Variants in PITPNM3 observed in about 807,000 individuals in gnomAD.
PITPNM3 encodes the protein membrane-associated phosphatidylinositol transfer protein 3.
A neutral mutation model predicts 102.0 loss-of-function variants in PITPNM3; 26 were observed. The observed-to-expected ratio is 0.25, with a 90% CI of 0.19 to 0.35. PITPNM3 has a LOEUF of 0.35. Among genes scored for constraint, PITPNM3 ranks in the 10% least tolerant of loss-of-function variants. The pLI is 1.00. For synonymous variants in PITPNM3, 578 were observed against 558.6 expected, an observed-to-expected ratio of 1.03 and a Z score of -0.49; for missense variants, 1,083 against 1,346.1, an observed-to-expected ratio of 0.80 and a Z score of 3.06.
chr17:6,478,580 C>T lies in PITPNM3; in HGVS notation c.744G>A (p.Leu248=), dbSNP rs760657079. ...TGAAGCCAATCCCATCAGAGGACTT[C>T]AGGAACTCTCTGTAGACCTGGTTGG... ...ERANQVYREF[L]KSSDGIGFSG... Residue 248 remains leucine, a synonymous_variant, in exon 7 of 20, where the codon CTG becomes CTA. Coordinates refer to ENST00000262483, the MANE Select transcript of PITPNM3 (RefSeq NM_031220.4). This position sits in a 1 kb window ranked among gnomAD's most constrained non-coding sequence, Gnocchi z 4.4. 2 of 1,614,144 alleles carry T rather than the reference C, an allele frequency of 1.2e-6. No homozygotes were observed. Among genetic ancestry groups the T allele is most frequent in the South Asian group, 1.1e-5 (1 of 91,082 alleles).
intron 2 of PITPNM3, among the ~76,000 whole-genome samples, chr17:6,527,251 A>C (rs1908886317): frequency 1.3e-5 from 2 of 152,246 alleles, no homozygotes; most frequent in African/African-American, 4.8e-5. Context: ...AATTATGAAG[A>C]GGTTAAGAGC....
In PITPNM3 at chr17:6,538,056, G is replaced by A. The variant is rs28493751; in HGVS notation, c.49C>T (p.Pro17Ser). ...AGGPPPGGGA[P>S]WHLRNVLSDS... ...CTGAGGACATTTCGAAGGTGCCAGGGGGCACCGCCGCCCGGGGGAGGACCA... is the reference window on the plus strand; with the variant it reads ...CTGAGGACATTTCGAAGGTGCCAGGAGGCACCGCCGCCCGGGGGAGGACCA... The change falls in exon 2 of 20, where the codon CCC (proline) becomes TCC (serine). Residue 17 changes from proline (P) to serine (S), a missense_variant. Around this residue, in one of 5 missense-constraint regions of PITPNM3, gnomAD observed 290 missense variants for 337.8 expected, o/e 0.86. Transcript: ENST00000262483. The A allele has an allele frequency of 0.092, 148,123 of 1,612,570 alleles. 7,452 individuals carry two copies. The highest frequency in any genetic ancestry group is 0.13 in the Middle Eastern group (776 of 6,060).
intron 4 of PITPNM3, among the ~76,000 whole-genome samples, chr17:6,495,795 CA>C (rs35162845): frequency 0.32 from 48,442 of 152,068 alleles, 8,883 homozygotes; most frequent in Middle Eastern, 0.57. Flanking sequence ...AGCACAGCTG[CA>C]AGGGAATGTA....
chr17:6,481,843 A>G (rs1905702888), intron 6 of PITPNM3: 1 of 139,216 alleles, frequency 7.2e-6, no homozygotes, highest in African/African-American at 2.8e-5. Flanking sequence ...AGATAAACAG[A>G]ATAGAATGAT....
At chr17:6,487,426 G>A (rs979156472) in intron 4 of PITPNM3, among the ~76,000 whole-genome samples, 5 of 152,114 alleles carry the variant, frequency 3.3e-5, no homozygotes, top group African/African-American at 1.2e-4. Flanking sequence ...AGGGCACAGA[G>A]CCAGGACCAC....
rs927872972 is a variant in PITPNM3 at position 6,517,906 on chromosome 17, A to C, written c.226+7450T>G. On this transcript the variant is annotated intron_variant, in intron 3 of 19. Transcript: ENST00000262483. The surrounding 1 kb of genome is among the most constrained non-coding windows in gnomAD (Gnocchi z 4.1). ...TATGTTAAAACTGTACGTTTCTAGA[A>C]CTACAAAAAAAGGAGGTATATAAGA... Among the ~76,000 whole-genome samples the C allele has an allele frequency of 8.5e-5, 13 of 152,220 alleles. No individual in the cohort carries two copies. Among genetic ancestry groups the C allele is most frequent in the Admixed American group, 7.8e-4 (12 of 15,288 alleles).
rs1327341721 is a variant in PITPNM3 at position 6,472,509 on chromosome 17, ACT to A, written c.1429+146_1429+147del. On this transcript the variant is annotated intron_variant, in intron 11 of 19. Coordinates refer to ENST00000262483, the MANE Select transcript of PITPNM3 (RefSeq NM_031220.4). The surrounding 1 kb of genome is among the most constrained non-coding windows in gnomAD (Gnocchi z 4.1). ...AGCAGGTGCTTAGCACAGGTGGGCGACTCTGAAGACAGAGGAGTCGGCTAACC... is the reference window on the plus strand; with the variant it reads ...AGCAGGTGCTTAGCACAGGTGGGCGACTGAAGACAGAGGAGTCGGCTAACC... 8.7e-7 allele frequency: 1 copy of A among 1,143,922 alleles called. No individual in the cohort carries two copies. The highest frequency in any genetic ancestry group is 1.2e-6 in the Non-Finnish European group (1 of 801,846). The allele number at this position is 1,143,922 out of a possible 1,614,324, so 70.9% of individuals were successfully genotyped here.
chr17:6,530,021 C>T (rs761394165), intron 2 of PITPNM3, among the ~76,000 whole-genome samples: 14 of 152,210 alleles, frequency 9.2e-5, no homozygotes, highest in Non-Finnish European at 1.5e-4. Flanking sequence ...AATAATCACG[C>T]AGCTTCCCAC....
rs1428471647 is a variant in PITPNM3 at position 6,457,852 on chromosome 17, G to A, written c.2491-130C>T. 3 of 1,325,286 alleles carry A rather than the reference G, an allele frequency of 2.3e-6. No homozygotes were observed. The highest frequency in any genetic ancestry group is 3.1e-6 in the Non-Finnish European group (3 of 959,040). 82.1% of individuals were successfully genotyped at this position (1,325,286 alleles called of 1,614,324 possible). On this transcript the variant is annotated intron_variant, in intron 18 of 19. Coordinates refer to ENST00000262483, the MANE Select transcript of PITPNM3 (RefSeq NM_031220.4). The surrounding 1 kb of genome is among the most constrained non-coding windows in gnomAD (Gnocchi z 4.7). ...CACTCTGGTAGACTCCAAGCCATGG[G>A]GCCACCCTGTGTCAGGAATGAACCC...
Position 6,454,166 on chromosome 17 carries a change from G to T in PITPNM3, c.*1172C>A, listed in dbSNP as rs992651234. 6.6e-6 allele frequency: 1 copy of T among 152,256 alleles called. No homozygotes were observed. Among genetic ancestry groups the T allele is most frequent in the Middle Eastern group, 3.1e-3 (1 of 318 alleles). 9.4% of individuals were successfully genotyped at this position (152,256 alleles called of 1,614,324 possible). On this transcript the variant is annotated 3_prime_UTR_variant, in exon 20 of 20. Transcript: ENST00000262483. Reference sequence around the variant, plus strand: ...TCTGGGAGCCAAAAAGGATAAAAGGGTCCTGGCAGAGCTGGGGTTATGGGG... The same window carrying T: ...TCTGGGAGCCAAAAAGGATAAAAGGTTCCTGGCAGAGCTGGGGTTATGGGG...
chr17:6,492,416 C>A (rs75215492), intron 4 of PITPNM3, among the ~76,000 whole-genome samples: 1 of 152,214 alleles, frequency 6.6e-6, no homozygotes, highest in East Asian at 1.9e-4. Flanking sequence ...TCAATACAAA[C>A]ACTACAAAGA....
At chr17:6,507,582 TAA>T (rs71381399) in intron 3 of PITPNM3, among the ~76,000 whole-genome samples, 1 of 148,108 alleles carries the variant, frequency 6.8e-6, no homozygotes, top group African/African-American at 2.5e-5. Flanking sequence ...AGACTCCATT[TAA>T]AAAAAAAAAC....
intron 10 of PITPNM3, among the ~76,000 whole-genome samples, chr17:6,473,748 G>A (rs781645610): frequency 4.1e-4 from 63 of 152,240 alleles, no homozygotes; most frequent in Non-Finnish European, 7.2e-4. Context: ...AGGCCAAGGC[G>A]GGTGGATCAC....
intron 4 of PITPNM3, among the ~76,000 whole-genome samples, chr17:6,495,601 C>G (rs1906757059): frequency 6.6e-6 from 1 of 152,170 alleles, no homozygotes; most frequent in South Asian, 2.1e-4. Context: ...AAGGGACCAC[C>G]AGGCTGGGTT....
intron 10 of PITPNM3, among the ~76,000 whole-genome samples, chr17:6,474,044 A>C (rs1905184101): frequency 6.7e-6 from 1 of 149,286 alleles, no homozygotes; most frequent in African/African-American, 2.5e-5. Flanking sequence ...GGGCTTGGGG[A>C]TATGCGGGGG....
At chr17:6,555,349 G>GACAC (rs1910545794) in intron 1 of PITPNM3, among the ~76,000 whole-genome samples, 2 of 152,186 alleles carry the variant, frequency 1.3e-5, no homozygotes, top group South Asian at 4.1e-4. Flanking sequence ...GGGGTGGATT[G>GACAC]ACACACAGCC....
At chr17:6,531,759 C>G (rs1011267699) in intron 2 of PITPNM3, among the ~76,000 whole-genome samples, 1 of 152,178 alleles carries the variant, frequency 6.6e-6, no homozygotes. Flanking sequence ...CAGCACTGAG[C>G]CAGTGCCTCC....
At chr17:6,526,587 T>C (rs1374132354) in intron 2 of PITPNM3, among the ~76,000 whole-genome samples, 1 of 152,216 alleles carries the variant, frequency 6.6e-6, no homozygotes, top group Non-Finnish European at 1.5e-5. Flanking sequence ...AAGAGCTCAG[T>C]TGACCAGACC....
intron 6 of PITPNM3, among the ~76,000 whole-genome samples, chr17:6,482,582 T>G (rs965030024): frequency 6.6e-6 from 1 of 152,202 alleles, no homozygotes; most frequent in Non-Finnish European, 1.5e-5. Context: ...AGCTGGGCTG[T>G]CAGCAGCACA....
Sources: gnomAD v4.1 joint callset for allele counts (sites outside exome capture counted in the v4.1 genomes callset) on GRCh38, gnomAD v4.1.1 for gene constraint, gnomAD v4.1.1 regional missense constraint, Gnocchi (gnomAD v3.1) non-coding constraint, MANE v1.5 for transcripts, NCBI Gene and HGNC (gene_info 2026-07-23, HGNC 2026-07-21) for gene names.